GK5: variants seen among roughly 807,000 people sequenced by gnomAD.
GK5 encodes ATP:glycerol 3-phosphotransferase 5.
In GK5, 39 loss-of-function variants were observed where a neutral mutation model predicts 77.3. The observed-to-expected ratio is 0.50, with a 90% confidence interval of 0.39 to 0.66. GK5 has a LOEUF of 0.66. Ranked by LOEUF, GK5 falls within the 30% of genes least tolerant of loss-of-function variation. GK5 has a pLI of 0.00. For missense variants in GK5, 487 were observed against 633.8 expected, an observed-to-expected ratio of 0.77 and a Z score of 2.49; for synonymous variants, 211 against 208.0, an observed-to-expected ratio of 1.01 and a Z score of -0.13.
intron 9 of GK5, chr3:142,185,618 T>C: frequency 9.6e-6 from 11 of 1,142,890 alleles, no homozygotes; most frequent in Non-Finnish European, 1.2e-5. Context: ...GAGTACCAAA[T>C]GTAAACTAAA....
chr3:142,165,861 G>T, intron 15 of GK5, 91 bp from the exon 16 acceptor site: 1 of 769,126 alleles, frequency 1.3e-6, no homozygotes, highest in South Asian at 2.6e-5. Context: ...CTGGTAGAAA[G>T]GTAAACAAAA....
intron 1 of GK5, among the ~76,000 whole-genome samples, chr3:142,216,846 G>A (rs1048100692): frequency 6.6e-6 from 1 of 152,016 alleles, no homozygotes; most frequent in Non-Finnish European, 1.5e-5. Flanking sequence ...ACACACACAG[G>A]GCAGATCCAA....
At chr3:142,208,179 TATTA>T (rs1560233121) in intron 3 of GK5, among the ~76,000 whole-genome samples, 3 of 152,232 alleles carry the variant, frequency 2.0e-5, no homozygotes, top group South Asian at 4.1e-4. Context: ...ATAGCTTACT[TATTA>T]TTTATAATTA....
rs746973608 is a variant in GK5, at chr3:142,159,774, A to G, written c.*5848T>C. On this transcript the variant is annotated 3_prime_UTR_variant, in exon 16 of 16. Transcript: ENST00000392993. ...CAGAAGACCTGGCTTTGGGTTTACA[A>G]TAAGACGATTCTGGGACCAAGTAGG... The G allele has an allele frequency of 2.0e-5, 3 of 151,958 alleles. No homozygotes were observed. The highest frequency in any genetic ancestry group is 1.9e-4 in the East Asian group (1 of 5,192). 9.4% of individuals were successfully genotyped at this position (151,958 alleles called of 1,614,324 possible). A position where few individuals can be genotyped will look rare whatever the true frequency, so the allele number is the denominator to read the frequency against.
intron 1 of GK5, among the ~76,000 whole-genome samples, chr3:142,223,733 G>A (rs543536098): frequency 2.0e-5 from 3 of 152,330 alleles, no homozygotes; most frequent in Admixed American, 2.0e-4. Flanking sequence ...AGCTACTCAG[G>A]AGGCTGAGGC....
rs983691092 is a variant in GK5 at position 142,164,747 on chromosome 3, A to G, written c.*875T>C. ...TTAAGCTCTGTCAATTAGGCACTTAATAAAAACAAAAGACATTTATACAAG... is the reference window on the plus strand; with the variant it reads ...TTAAGCTCTGTCAATTAGGCACTTAGTAAAAACAAAAGACATTTATACAAG... On this transcript the variant is annotated 3_prime_UTR_variant, in exon 16 of 16. Coordinates refer to ENST00000392993, the MANE Select transcript of GK5 (RefSeq NM_001039547.3). The G allele has an allele frequency of 6.6e-6, 1 of 152,266 alleles. No individual in the cohort carries two copies. The highest frequency in any genetic ancestry group is 2.4e-5 in the African/African-American group (1 of 41,472). The allele number at this position is 152,266 out of a possible 1,614,324, so 9.4% of individuals were successfully genotyped here. A position where few individuals can be genotyped will look rare whatever the true frequency, so the allele number is the denominator to read the frequency against.
intron 7 of GK5, 84 bp from the exon 8 acceptor site, chr3:142,186,351 T>C (rs1048795336): frequency 1.2e-5 from 12 of 986,734 alleles, no homozygotes; most frequent in African/African-American, 3.3e-5. Context: ...ATGTTGTACA[T>C]GATATATTTG....
intron 3 of GK5, among the ~76,000 whole-genome samples, chr3:142,209,951 AT>A (rs11393867): frequency 2.9e-4 from 43 of 148,910 alleles, no homozygotes; most frequent in Admixed American, 4.0e-4. Context: ...ACAGCTCGTG[AT>A]TTTTTTTTTT....
chr3:142,202,278 G>A (rs559423286), intron 4 of GK5, among the ~76,000 whole-genome samples: 56 of 152,248 alleles, frequency 3.7e-4, no homozygotes, highest in Non-Finnish European at 6.0e-4. Context: ...AAAAGTAAGC[G>A]GAAGACCGGG....
intron 11 of GK5, among the ~76,000 whole-genome samples, 181 bp downstream of exon 11, chr3:142,181,280 T>C (rs978466719): frequency 3.3e-5 from 5 of 152,260 alleles, no homozygotes; most frequent in Non-Finnish European, 7.3e-5. Context: ...TTCCTGTCTT[T>C]AAGACCTAGC....
chr3:142,199,896 G>T (rs1035660809), intron 4 of GK5, among the ~76,000 whole-genome samples: 2 of 151,738 alleles, frequency 1.3e-5, no homozygotes, highest in African/African-American at 4.8e-5. Context: ...ACCCACTTTT[G>T]TTAATCCTAC....
chr3:142,222,418 A>T (rs2064363479), intron 1 of GK5, among the ~76,000 whole-genome samples: 1 of 152,194 alleles, frequency 6.6e-6, no homozygotes, highest in African/African-American at 2.4e-5. Context: ...ACAAAAAATT[A>T]GCCAGGCTTG....
At position 142,162,551 on chromosome 3, in the gene GK5, T is replaced by C. The variant is rs565452677; in HGVS notation, c.*3071A>G. ...CAATTAGTAGCACTTTAAGATAGAT[T>C]GAACAGGAACATTCTCTTCCTTTAT... On this transcript the variant is annotated 3_prime_UTR_variant, in exon 16 of 16. Transcript: ENST00000392993. 6.6e-6 allele frequency: 1 copy of C among 152,386 alleles called. No individual in the cohort carries two copies. The allele number at this position is 152,386 out of a possible 1,614,324, so 9.4% of individuals were successfully genotyped here.
intron 11 of GK5, among the ~76,000 whole-genome samples, chr3:142,179,903 A>G (rs1485993187): frequency 6.6e-6 from 1 of 151,760 alleles, no homozygotes; most frequent in Non-Finnish European, 1.5e-5. Flanking sequence ...GCCTAGACTC[A>G]GAGGTAGCCT....
intron 6 of GK5, 64 bp downstream of exon 6, chr3:142,187,640 A>T: frequency 1.3e-5 from 14 of 1,090,278 alleles, no homozygotes; most frequent in Non-Finnish European, 1.9e-5. Flanking sequence ...TACTTTTTTT[A>T]GGCAAATCAT....
intron 9 of GK5, 174 bp from the exon 10 acceptor site, chr3:142,183,223 G>T: frequency 1.8e-6 from 1 of 567,610 alleles, no homozygotes; most frequent in Non-Finnish European, 3.1e-6. Context: ...CCATAGGATA[G>T]GAGTCTCCCT....
At chr3:142,181,137 G>T (rs1191458246) in intron 11 of GK5, among the ~76,000 whole-genome samples, 1 of 151,984 alleles carries the variant, frequency 6.6e-6, no homozygotes, top group African/African-American at 2.4e-5. Context: ...GCCCATTTTT[G>T]TCATGTTATT....
chr3:142,189,656 G>A (rs777562548), intron 5 of GK5, among the ~76,000 whole-genome samples: 2 of 152,156 alleles, frequency 1.3e-5, no homozygotes, highest in Non-Finnish European at 2.9e-5. Flanking sequence ...AGACATCAGG[G>A]CTTCCTAAGG....
chr3:142,188,788 G>A (rs2063809690), intron 5 of GK5, among the ~76,000 whole-genome samples: 1 of 152,178 alleles, frequency 6.6e-6, no homozygotes, highest in African/African-American at 2.4e-5. Flanking sequence ...CAGAGTGGTT[G>A]TGACAAAAAG....
Sources: allele counts gnomAD v4.1 joint callset (sites outside exome capture counted in the v4.1 genomes callset), GRCh38; gene constraint gnomAD v4.1.1; transcripts MANE v1.5; gene names NCBI Gene and HGNC (gene_info 2026-07-23, HGNC 2026-07-21).